RRN3: variants seen among roughly 807,000 people sequenced by gnomAD.
RRN3 encodes the protein RNA polymerase I transcription factor RRN3.
A neutral mutation model predicts 82.3 loss-of-function variants in RRN3; 38 were observed. The observed-to-expected ratio is 0.46, with a 90% confidence interval of 0.36 to 0.61. The LOEUF (loss-of-function observed/expected upper bound fraction) is 0.61, where lower values mean the gene tolerates loss of function less well. RRN3 is among the 20% of genes least tolerant of loss of function. The pLI, the probability that RRN3 is intolerant of heterozygous loss-of-function variation, is 0.00. For missense variants in RRN3, 726 were observed against 793.1 expected (o/e 0.92, Z 1.02); for synonymous variants, 284 against 284.3 (o/e 1.00, Z 0.01).
intron 10 of RRN3, 76 bp from the exon 11 acceptor site, chr16:15,074,937 T>G (rs2045388084): frequency 7.3e-7 from 1 of 1,378,054 alleles, no homozygotes; most frequent in Non-Finnish European, 9.9e-7. Flanking sequence ...CTGTCATAAG[T>G]GATTATTTCC....
chr16:15,084,567 CATTTT>C (rs1394178163), intron 7 of RRN3, 70 bp downstream of exon 7: 2 of 1,081,694 alleles, frequency 1.8e-6, no homozygotes, highest in Non-Finnish European at 2.8e-6. Context: ...ATACTATTAA[CATTTT>C]ATAATTTTTA....
At chr16:15,070,521 G>A (rs1418234608) in intron 13 of RRN3, among the ~76,000 whole-genome samples, 1 of 152,018 alleles carries the variant, frequency 6.6e-6, no homozygotes, top group Non-Finnish European at 1.5e-5. Flanking sequence ...TGGAAAGCAG[G>A]TTCTCCTAAC....
chr16:15,078,069 A>C (rs1451651083), intron 9 of RRN3, among the ~76,000 whole-genome samples: 3 of 152,178 alleles, frequency 2.0e-5, no homozygotes, highest in Non-Finnish European at 4.4e-5. Flanking sequence ...CATACCACTC[A>C]AACCATGCCA....
intron 12 of RRN3, among the ~76,000 whole-genome samples, 157 bp downstream of exon 12, chr16:15,072,789 CAAAA>C (rs2045292478): frequency 6.6e-6 from 1 of 151,738 alleles, no homozygotes; most frequent in African/African-American, 2.4e-5. Flanking sequence ...GAAAAGAAAA[CAAAA>C]AAAGAAAGGA....
At chr16:15,080,998 G>C (rs139356674) in intron 8 of RRN3, among the ~76,000 whole-genome samples, 2 of 152,084 alleles carry the variant, frequency 1.3e-5, no homozygotes, top group East Asian at 3.9e-4. Flanking sequence ...CATATCAATG[G>C]AGTCATATAA....
intron 3 of RRN3, among the ~76,000 whole-genome samples, chr16:15,089,907 TA>T (rs1336018521): frequency 1.3e-5 from 2 of 149,254 alleles, no homozygotes; most frequent in Non-Finnish European, 3.0e-5. Context: ...ATACAAGGCT[TA>T]AAAAAGTAAG....
intron 16 of RRN3, among the ~76,000 whole-genome samples, chr16:15,064,024 A>G (rs1451901660): frequency 2.6e-5 from 4 of 152,242 alleles, no homozygotes; most frequent in Admixed American, 6.5e-5. Flanking sequence ...CCAAGACTTC[A>G]GGGACCAGAC....
At position 15,092,425 on chromosome 16, in the gene RRN3, C is replaced by T. The variant is rs971131897; in HGVS notation, c.195+84G>A. The T allele has an allele frequency of 5.0e-6, 4 of 800,738 alleles. No homozygotes were observed. The African/African-American group carries it at 5.2e-5, about 10-fold the overall frequency. The allele number at this position is 800,738 out of a possible 1,614,324, so 49.6% of individuals were successfully genotyped here. A position where few individuals can be genotyped will look rare whatever the true frequency, so the allele number is the denominator to read the frequency against. On this transcript the variant is annotated intron_variant, in intron 2 of 17. Transcript: ENST00000198767. ...TCAACTGGTATCTTAATTAATCTTG[C>T]TATTTCTATTGGTCTTTAGTATAAC...
At chr16:15,064,709 G>T (rs914701362) in intron 16 of RRN3, among the ~76,000 whole-genome samples, 5 of 152,210 alleles carry the variant, frequency 3.3e-5, no homozygotes, top group African/African-American at 1.2e-4. Context: ...CCCACTCTGG[G>T]GTGCCTGCGC....
At chr16:15,079,872 C>A (rs55862559) in intron 9 of RRN3, 126 bp downstream of exon 9, 1 of 1,117,032 alleles carries the variant, frequency 9.0e-7, no homozygotes, top group Non-Finnish European at 1.2e-6. Context: ...GCTGGGAATA[C>A]AGGCGTGAGT....
intron 8 of RRN3, among the ~76,000 whole-genome samples, chr16:15,082,401 G>A (rs901301227): frequency 2.0e-5 from 3 of 152,012 alleles, no homozygotes; most frequent in South Asian, 2.1e-4. Context: ...GGCCGGTCAC[G>A]GTGGTTCACG....
intron 16 of RRN3, 37 bp downstream of exon 16, chr16:15,065,180 AAT>A: frequency 6.4e-7 from 1 of 1,560,932 alleles, no homozygotes; most frequent in South Asian, 1.2e-5. Flanking sequence ...AAAAAAAAAA[AAT>A]CCACCTCCTC....
chr16:15,090,841 T>C (rs1265587577), intron 3 of RRN3, among the ~76,000 whole-genome samples: 1 of 151,296 alleles, frequency 6.6e-6, no homozygotes, highest in Non-Finnish European at 1.5e-5. Context: ...GATAGGTGTA[T>C]CTCGAACCTG....
intron 3 of RRN3, among the ~76,000 whole-genome samples, chr16:15,090,780 G>A (rs1213633883): frequency 6.6e-6 from 1 of 151,894 alleles, no homozygotes; most frequent in African/African-American, 2.4e-5. Flanking sequence ...CTTCAAAACT[G>A]GGCAGTAAAG....
chr16:15,076,436 T>C, intron 10 of RRN3, 122 bp downstream of exon 10: 1 of 751,330 alleles, frequency 1.3e-6, no homozygotes, highest in Non-Finnish European at 2.4e-6. Flanking sequence ...AAGGAATCGT[T>C]TTCAAGTTTG....
intron 10 of RRN3, 78 bp from the exon 11 acceptor site, chr16:15,074,939 A>AAATAATCAC: frequency 7.3e-7 from 1 of 1,365,354 alleles, no homozygotes; most frequent in Non-Finnish European, 1.0e-6. Context: ...GTCATAAGTG[A>AAATAATCAC]TTATTTCCCT....
chr16:15,090,492 A>C (rs898162977), intron 3 of RRN3, among the ~76,000 whole-genome samples: 4 of 152,224 alleles, frequency 2.6e-5, no homozygotes, highest in African/African-American at 9.6e-5. Context: ...CCAGCTTTTT[A>C]GAAGGCTGAA....
intron 8 of RRN3, among the ~76,000 whole-genome samples, chr16:15,083,012 G>A (rs993521006): frequency 1.3e-5 from 2 of 152,190 alleles, no homozygotes; most frequent in African/African-American, 4.8e-5. Flanking sequence ...ACAGAAAAAG[G>A]CACTGGGAAT....
intron 3 of RRN3, among the ~76,000 whole-genome samples, chr16:15,087,720 A>C (rs1302653994): frequency 6.6e-6 from 1 of 152,230 alleles, no homozygotes; most frequent in African/African-American, 2.4e-5. Context: ...TGTAGAAAAC[A>C]AGCTAAGTTA....
Sources: gnomAD v4.1 joint callset for allele counts (sites outside exome capture counted in the v4.1 genomes callset) on GRCh38, gnomAD v4.1.1 for gene constraint, MANE v1.5 for transcripts, NCBI Gene and HGNC (gene_info 2026-07-23, HGNC 2026-07-21) for gene names.